MDGA2: variants seen among roughly 807,000 people sequenced by gnomAD.
The protein encoded by MDGA2 is MAM domain containing glycosylphosphatidylinositol anchor 2.
A neutral mutation model predicts 117.8 loss-of-function variants in MDGA2; 40 were observed. The observed-to-expected ratio is 0.34, with a 90% CI of 0.26 to 0.44. The LOEUF (loss-of-function observed/expected upper bound fraction) is 0.44. Among genes scored for constraint, MDGA2 ranks in the 20% least tolerant of loss-of-function variants. The pLI, the probability that MDGA2 is intolerant of heterozygous loss-of-function variation, is 1.00. For missense variants in MDGA2, 1,123 were observed against 1,250.6 expected (o/e 0.90, Z 1.54); for synonymous variants, 452 against 439.0 (o/e 1.03, Z -0.37).
chr14:47,475,840 A>G (rs2138624623), intron 1 of MDGA2, among the ~76,000 whole-genome samples: 1 of 152,106 alleles, frequency 6.6e-6, no homozygotes. Context: ...ATCGGGGAGC[A>G]TCAGAAAGAA....
intron 10 of MDGA2, among the ~76,000 whole-genome samples, chr14:46,915,636 A>G (rs1383592034): frequency 3.3e-5 from 5 of 152,160 alleles, no homozygotes; most frequent in Admixed American, 3.3e-4. Flanking sequence ...GAAGGAGAAA[A>G]GCATCAAAAT....
intron 3 of MDGA2, among the ~76,000 whole-genome samples, chr14:47,217,586 G>T (rs1415404905): frequency 6.6e-6 from 1 of 151,762 alleles, no homozygotes; most frequent in Non-Finnish European, 1.5e-5. Context: ...TGCTCTGTTT[G>T]TATGATGTAC....
At chr14:47,273,103 A>T (rs1888201480) in intron 2 of MDGA2, among the ~76,000 whole-genome samples, 1 of 152,046 alleles carries the variant, frequency 6.6e-6, no homozygotes, top group Non-Finnish European at 1.5e-5. Context: ...TGTCCTTCTG[A>T]CTTATATACT....
At chr14:47,543,898 C>A (rs1362327659) in intron 1 of MDGA2, among the ~76,000 whole-genome samples, 1 of 152,116 alleles carries the variant, frequency 6.6e-6, no homozygotes, top group Non-Finnish European at 1.5e-5. Flanking sequence ...TCCAGAGTCC[C>A]AAAATATGTA....
chr14:47,074,805 A>G (rs1890431158), intron 6 of MDGA2, among the ~76,000 whole-genome samples: 2 of 152,180 alleles, frequency 1.3e-5, no homozygotes, highest in South Asian at 4.2e-4. Flanking sequence ...GCTTGCTTTT[A>G]CATCCATAGT....
intron 7 of MDGA2, among the ~76,000 whole-genome samples, chr14:47,036,270 C>CAAAAA (rs11310113): frequency 4.0e-5 from 3 of 74,442 alleles, no homozygotes; most frequent in African/African-American, 5.8e-5. Flanking sequence ...ACTCTGTCTC[C>CAAAAA]AAAAAAAAAA....
intron 6 of MDGA2, among the ~76,000 whole-genome samples, chr14:47,087,952 G>C (rs760787884): frequency 1.3e-5 from 2 of 151,918 alleles, no homozygotes; most frequent in African/African-American, 2.4e-5. Flanking sequence ...AAAATTGAAA[G>C]ATTTTCTCTT....
chr14:47,103,649 T>C (rs886224800), intron 5 of MDGA2, among the ~76,000 whole-genome samples: 9 of 152,250 alleles, frequency 5.9e-5, no homozygotes, highest in Admixed American at 4.6e-4. Flanking sequence ...GACAGACATT[T>C]ATGGAAATGA....
chr14:47,606,617 T>C (rs1325539631), intron 1 of MDGA2, among the ~76,000 whole-genome samples: 1 of 152,118 alleles, frequency 6.6e-6, no homozygotes, highest in Non-Finnish European at 1.5e-5. Flanking sequence ...AAAGGTACTG[T>C]TTGCCTTGTG....
chr14:47,531,232 G>A (rs56368927), intron 1 of MDGA2, among the ~76,000 whole-genome samples: 6,008 of 152,142 alleles, frequency 0.039, 402 homozygotes, highest in African/African-American at 0.14. Flanking sequence ...GCGACAGAGC[G>A]AGACTCCACC....
At chr14:46,903,599 ATAAT>A (rs1204934063) in intron 10 of MDGA2, among the ~76,000 whole-genome samples, 1 of 152,188 alleles carries the variant, frequency 6.6e-6, no homozygotes, top group Non-Finnish European at 1.5e-5. Context: ...CCATTGCTCT[ATAAT>A]TAATTATTAT....
At chr14:47,359,044 T>TA (rs1891055184) in intron 1 of MDGA2, among the ~76,000 whole-genome samples, 1 of 152,102 alleles carries the variant, frequency 6.6e-6, no homozygotes, top group Non-Finnish European at 1.5e-5. Flanking sequence ...GTTGAAGACA[T>TA]CATATGTCCT....
At chr14:47,370,445 ACTATTTT>A (rs1458816007) in intron 1 of MDGA2, among the ~76,000 whole-genome samples, 4 of 77,880 alleles carry the variant, frequency 5.1e-5, no homozygotes, top group Non-Finnish European at 7.9e-5. Flanking sequence ...TATCTGAATT[ACTATTTT>A]CTAGGTCTAC....
At chr14:47,172,536 C>A (rs1000513373) in intron 3 of MDGA2, among the ~76,000 whole-genome samples, 5 of 152,208 alleles carry the variant, frequency 3.3e-5, no homozygotes, top group African/African-American at 7.2e-5. Flanking sequence ...CCCAAGCAAA[C>A]AGGGTTTGGA....
At chr14:47,172,674 G>C (rs1031941195) in intron 3 of MDGA2, among the ~76,000 whole-genome samples, 10 of 151,912 alleles carry the variant, frequency 6.6e-5, no homozygotes, top group African/African-American at 1.9e-4. Flanking sequence ...AACACCAAAA[G>C]TAGATAAAAC....
At chr14:47,370,557 G>T (rs978221613) in intron 1 of MDGA2, among the ~76,000 whole-genome samples, 1 of 127,132 alleles carries the variant, frequency 7.9e-6, no homozygotes, top group South Asian at 2.6e-4. Context: ...CATTCAAAGA[G>T]AAATTTAGAA....
intron 5 of MDGA2, among the ~76,000 whole-genome samples, chr14:47,108,275 A>G (rs1880837399): frequency 6.6e-6 from 1 of 151,972 alleles, no homozygotes; most frequent in Non-Finnish European, 1.5e-5. Context: ...CTTCAACACT[A>G]TTTTGTTTTA....
intron 3 of MDGA2, among the ~76,000 whole-genome samples, chr14:47,146,429 G>A (rs770585162): frequency 1.1e-4 from 16 of 152,046 alleles, no homozygotes; most frequent in Non-Finnish European, 2.2e-4. Flanking sequence ...GCTGTGCAGC[G>A]ATATATGCTG....
At chr14:47,316,952 T>C (rs1889827306) in intron 1 of MDGA2, among the ~76,000 whole-genome samples, 1 of 152,140 alleles carries the variant, frequency 6.6e-6, no homozygotes. Flanking sequence ...TTTTGACATA[T>C]ATCAAACTTC....
Sources: allele counts gnomAD v4.1 joint callset (sites outside exome capture counted in the v4.1 genomes callset), GRCh38; gene constraint gnomAD v4.1.1; transcripts MANE v1.5; gene names NCBI Gene and HGNC (gene_info 2026-07-23, HGNC 2026-07-21).